The following MSRA variants were observed in gnomAD, a reference collection of about 807,000 sequenced individuals.
The protein encoded by MSRA is mitochondrial peptide methionine sulfoxide reductase.
MSRA carries 54 observed loss-of-function variants against 31.3 expected under a neutral mutation model. The ratio of observed to expected loss-of-function variants is 1.73; its 90% CI spans 1.39 to 2.17. The LOEUF is 2.17. Among genes scored for constraint, MSRA ranks in the 30% most tolerant of loss-of-function variants. The pLI is 0.00. For synonymous variants in MSRA, 169 were observed against 116.5 expected (o/e 1.45, Z -2.90); for missense variants, 507 against 300.9 (o/e 1.69, Z -5.07).
chr8:10,156,184 G>C (rs1376437365), intron 1 of MSRA, among the ~76,000 whole-genome samples: 1 of 152,186 alleles, frequency 6.6e-6, no homozygotes, highest in East Asian at 1.9e-4. Context: ...CAATTGCAGT[G>C]AATGAAACTT....
At chr8:10,373,596 G>A (rs1205152753) in intron 5 of MSRA, among the ~76,000 whole-genome samples, 1 of 152,254 alleles carries the variant, frequency 6.6e-6, no homozygotes, top group East Asian at 1.9e-4. Context: ...CATGGGGGAA[G>A]CAGGGCAGGA....
intron 1 of MSRA, among the ~76,000 whole-genome samples, chr8:10,086,287 A>AT (rs1750464190): frequency 6.6e-6 from 1 of 152,224 alleles, no homozygotes; most frequent in South Asian, 2.1e-4. Context: ...GAGCAGTTGG[A>AT]TGCTGGTGCT....
At chr8:10,257,610 G>A (rs563268687) in intron 3 of MSRA, among the ~76,000 whole-genome samples, 154 of 152,190 alleles carry the variant, frequency 1.0e-3, no homozygotes, top group Non-Finnish European at 1.8e-3. Flanking sequence ...GTTTCATCAC[G>A]TTGGCCAGGC....
intron 5 of MSRA, among the ~76,000 whole-genome samples, chr8:10,394,922 A>G (rs1807000226): frequency 6.6e-6 from 1 of 152,238 alleles, no homozygotes; most frequent in South Asian, 2.1e-4. Flanking sequence ...CATTCAGTTC[A>G]ATCCACATAT....
chr8:10,385,536 A>C (rs1036578749), intron 5 of MSRA, among the ~76,000 whole-genome samples: 4 of 152,176 alleles, frequency 2.6e-5, no homozygotes, highest in Non-Finnish European at 5.9e-5. Context: ...CAATTGGGGC[A>C]GGAGGGGCAG....
intron 1 of MSRA, among the ~76,000 whole-genome samples, chr8:10,177,473 G>A (rs545000633): frequency 6.6e-6 from 1 of 151,794 alleles, no homozygotes; most frequent in African/African-American, 2.4e-5. Context: ...TTTGAGTTCA[G>A]CGAGCTGGCT....
chr8:10,344,618 A>G (rs1031667118), intron 5 of MSRA, among the ~76,000 whole-genome samples: 2 of 148,452 alleles, frequency 1.3e-5, no homozygotes, highest in African/African-American at 4.9e-5. Context: ...GCCATTTCCA[A>G]TGGCCTTGAC....
At chr8:10,184,638 A>T (rs541027151) in intron 1 of MSRA, among the ~76,000 whole-genome samples, 45 of 152,270 alleles carry the variant, frequency 3.0e-4, no homozygotes, top group African/African-American at 1.0e-3. Context: ...GCCTTGTCTG[A>T]TGCATTCAGC....
chr8:10,219,415 C>T (rs1277077018), intron 2 of MSRA, among the ~76,000 whole-genome samples: 3 of 152,150 alleles, frequency 2.0e-5, no homozygotes, highest in Admixed American at 6.5e-5. Flanking sequence ...CTTTTTTAAT[C>T]TCATACACAT....
intron 4 of MSRA, among the ~76,000 whole-genome samples, chr8:10,310,506 G>A (rs1287720694): frequency 6.6e-6 from 1 of 152,080 alleles, no homozygotes; most frequent in Non-Finnish European, 1.5e-5. Context: ...TTTTTCCTTT[G>A]CCTTTCTAGT....
intron 3 of MSRA, among the ~76,000 whole-genome samples, chr8:10,268,418 T>A (rs1474209327): frequency 6.6e-6 from 1 of 152,204 alleles, no homozygotes; most frequent in Non-Finnish European, 1.5e-5. Flanking sequence ...CTGCAGGCTT[T>A]CACTTTCCAT....
intron 1 of MSRA, among the ~76,000 whole-genome samples, chr8:10,205,378 G>A (rs1585165059): frequency 6.6e-6 from 1 of 152,114 alleles, no homozygotes; most frequent in Admixed American, 6.6e-5. Context: ...TGTGGGGAGT[G>A]AAGGAAGAGA....
intron 2 of MSRA, among the ~76,000 whole-genome samples, chr8:10,212,578 T>C (rs11774953): frequency 0.2 from 30,678 of 152,164 alleles, 3,587 homozygotes; most frequent in Admixed American, 0.27. Flanking sequence ...ATAACTTCAG[T>C]TTGAAAGTTA....
chr8:10,070,497 C>G (rs772084058), intron 1 of MSRA, among the ~76,000 whole-genome samples: 1 of 152,210 alleles, frequency 6.6e-6, no homozygotes, highest in African/African-American at 2.4e-5. Flanking sequence ...CTCTGTGGAT[C>G]TGTTGTACTC....
At chr8:10,234,171 G>C (rs1585233201) in intron 2 of MSRA, among the ~76,000 whole-genome samples, 1 of 152,234 alleles carries the variant, frequency 6.6e-6, no homozygotes, top group East Asian at 1.9e-4. Flanking sequence ...ATTTCAGTAA[G>C]ATGAAGAATT....
intron 3 of MSRA, among the ~76,000 whole-genome samples, chr8:10,280,741 T>G (rs560253782): frequency 4.5e-4 from 68 of 152,346 alleles, no homozygotes; most frequent in African/African-American, 1.6e-3. Flanking sequence ...CAGCATTATT[T>G]GACTATTCAT....
intron 5 of MSRA, among the ~76,000 whole-genome samples, chr8:10,360,481 G>C (rs1022350594): frequency 2.0e-5 from 3 of 152,146 alleles, no homozygotes; most frequent in Non-Finnish European, 2.9e-5. Flanking sequence ...TGATTTTTCT[G>C]GGAGACATTG....
intron 1 of MSRA, among the ~76,000 whole-genome samples, chr8:10,108,986 G>C (rs1212671793): frequency 6.6e-6 from 1 of 152,212 alleles, no homozygotes; most frequent in East Asian, 1.9e-4. Context: ...ACCTGGGCTA[G>C]TGCTCCATCA....
intron 1 of MSRA, among the ~76,000 whole-genome samples, chr8:10,078,981 G>C (rs891661541): frequency 2.0e-5 from 3 of 152,166 alleles, no homozygotes; most frequent in Non-Finnish European, 4.4e-5. Flanking sequence ...AGCCGTGCTA[G>C]GGCCGCAGGC....
Sources: gnomAD v4.1 joint callset for allele counts (sites outside exome capture counted in the v4.1 genomes callset) on GRCh38, gnomAD v4.1.1 for gene constraint, MANE v1.5 for transcripts, NCBI Gene and HGNC (gene_info 2026-07-23, HGNC 2026-07-21) for gene names.